The following THSD4 variants were observed in gnomAD, a reference collection of about 807,000 sequenced individuals.
The protein encoded by THSD4 is thrombospondin type 1 domain containing 4.
In THSD4, 69 loss-of-function variants were observed where a neutral mutation model predicts 119.0. The observed-to-expected ratio is 0.58, with a 90% CI of 0.48 to 0.71. The LOEUF is 0.71. Among genes scored for constraint, THSD4 ranks in the 30% least tolerant of loss-of-function variants. The pLI is 0.00. For synonymous variants in THSD4, 524 were observed against 540.4 expected, an observed-to-expected ratio of 0.97 and a Z score of 0.42; for missense variants, 1,393 against 1,391.1, an observed-to-expected ratio of 1.00 and a Z score of -0.02.
In THSD4 at chr15:71,510,705, A is replaced by C. The variant is rs543042621; in HGVS notation, c.1152+98882A>C. ...CCAGCCTCATGTTCTGTTACGGACCACGGTCTCTCTACAGACCTTAACTCA... is the reference window on the plus strand; with the variant it reads ...CCAGCCTCATGTTCTGTTACGGACCCCGGTCTCTCTACAGACCTTAACTCA... On this transcript the variant is annotated intron_variant, in intron 7 of 17. Transcript: ENST00000261862. Among the ~76,000 whole-genome samples, 3 of 152,350 alleles carry C rather than the reference A, an allele frequency of 2.0e-5. No homozygotes were observed. In the South Asian group the frequency reaches 6.2e-4, roughly 32 times the overall value.
chr15:71,466,205 A>G (rs1174628208), intron 7 of THSD4, among the ~76,000 whole-genome samples: 6 of 151,896 alleles, frequency 4.0e-5, no homozygotes. Context: ...AAAAAAAATT[A>G]GCTGGGCGTG....
intron 7 of THSD4, among the ~76,000 whole-genome samples, chr15:71,509,587 T>G (rs1205110187): frequency 3.3e-5 from 5 of 152,238 alleles, no homozygotes; most frequent in African/African-American, 1.2e-4. Context: ...AACTTAATTT[T>G]ACACAGCTAG....
rs111644580 is a variant in THSD4 at position 71,325,389 on chromosome 15, C to T, written c.1015+68674C>T. Among the ~76,000 whole-genome samples, 1,458 of 152,300 alleles carry T rather than the reference C, an allele frequency of 9.6e-3. 9 individuals carry two copies. Among genetic ancestry groups the T allele is most frequent in the Middle Eastern group, 0.017 (5 of 294 alleles). On this transcript the variant is annotated intron_variant, in intron 6 of 17. Transcript: ENST00000261862. ...GAGTACTTACCCAGTGCCAACCAGT[C>T]CTGAAGCTGACACTGGTGATAGAGA...
At chr15:71,621,356 T>A (rs912931558) in intron 7 of THSD4, among the ~76,000 whole-genome samples, 1 of 152,234 alleles carries the variant, frequency 6.6e-6, no homozygotes. Context: ...CATGAGTTGC[T>A]AGGACAGTTG....
At chr15:71,233,357 A>G (rs1277191538) in intron 4 of THSD4, among the ~76,000 whole-genome samples, 1 of 152,194 alleles carries the variant, frequency 6.6e-6, no homozygotes, top group East Asian at 1.9e-4. Flanking sequence ...GCTTCAACTG[A>G]GCCTCACTGG....
rs188037607 is a variant in THSD4, at chr15:71,163,355, A to G, written c.99+8423A>G. Among the ~76,000 whole-genome samples the G allele has an allele frequency of 1.4e-3, 215 of 152,144 alleles. 5 individuals are homozygous for G. The East Asian group carries it at 0.038, about 27-fold the overall frequency. On this transcript the variant is annotated intron_variant, in intron 3 of 17. Coordinates refer to ENST00000261862, the MANE Select transcript of THSD4 (RefSeq NM_024817.3). ...ATTACATAAACAAATGCAAATGGAA[A>G]GAATCCAAGTCAAAATTATATAACA...
intron 8 of THSD4, among the ~76,000 whole-genome samples, chr15:71,716,790 T>G (rs970797275): frequency 1.3e-5 from 2 of 152,138 alleles, no homozygotes; most frequent in Non-Finnish European, 2.9e-5. Flanking sequence ...CATCCCCCCT[T>G]GCAGTATATA....
At chr15:71,220,050 G>A (rs2043963106) in intron 4 of THSD4, among the ~76,000 whole-genome samples, 2 of 151,984 alleles carry the variant, frequency 1.3e-5, no homozygotes, top group South Asian at 4.1e-4. Flanking sequence ...TTTAACCAGG[G>A]TAATCTTCTT....
intron 1 of THSD4, among the ~76,000 whole-genome samples, chr15:71,098,798 A>G (rs1311571191): frequency 6.6e-6 from 1 of 152,218 alleles, no homozygotes; most frequent in Non-Finnish European, 1.5e-5. Context: ...AAGTTAAGTT[A>G]CAATGCAATT....
chr15:71,532,263 T>TGAGAGAGAGAGAGAGAGAGAGA lies in THSD4; in HGVS notation c.1152+120461_1152+120462insAGAGAGAGAGAGAGAGAGAGAG, dbSNP rs112859786. On this transcript the variant is annotated intron_variant, in intron 7 of 17. Coordinates refer to ENST00000261862, the MANE Select transcript of THSD4 (RefSeq NM_024817.3). The stretch of plus-strand genomic sequence containing the variant: ...TAGCACTGACTGAAACAACAAAGGG[T>TGAGAGAGAGAGAGAGAGAGAGA]GAGAGAGAGAGAGAGAGAGAGTGTG... Among the ~76,000 whole-genome samples the TGAGAGAGAGAGAGAGAGAGAGA allele has an allele frequency of 4.7e-3, 339 of 71,608 alleles. 16 individuals carry two copies. Among genetic ancestry groups the TGAGAGAGAGAGAGAGAGAGAGA allele is most frequent in the East Asian group, 0.036 (86 of 2,378 alleles). 47.0% of individuals were successfully genotyped at this position (71,608 alleles called of 152,430 possible).
At chr15:71,772,940 G>A (rs2053847259) in intron 17 of THSD4, among the ~76,000 whole-genome samples, 1 of 152,110 alleles carries the variant, frequency 6.6e-6, no homozygotes, top group Non-Finnish European at 1.5e-5. Flanking sequence ...TGGATGCAAT[G>A]GCTCACACCT....
intron 8 of THSD4, among the ~76,000 whole-genome samples, chr15:71,708,718 AGTTTG>A (rs1349860522): frequency 6.6e-6 from 1 of 152,126 alleles, no homozygotes; most frequent in Non-Finnish European, 1.5e-5. Context: ...TGTTTTGTTT[AGTTTG>A]GTTTGGTTTG....
chr15:71,640,119 G>A lies in THSD4; in HGVS notation c.1153-20411G>A, dbSNP rs570147454. ...TTCTTTTATTGGACAGTCTCACTCT[G>A]TCACCTAGGCTGGAGTGGAGTGGCA... On this transcript the variant is annotated intron_variant, in intron 7 of 17. Transcript: ENST00000261862. Among the ~76,000 whole-genome samples the A allele has an allele frequency of 5.3e-4, 80 of 152,188 alleles. 2 individuals carry two copies. In the South Asian group the frequency reaches 0.016, roughly 30 times the overall value.
intron 6 of THSD4, among the ~76,000 whole-genome samples, chr15:71,266,434 C>T (rs1398407562): frequency 6.6e-6 from 1 of 152,016 alleles, no homozygotes; most frequent in Non-Finnish European, 1.5e-5. Flanking sequence ...AAAGGACGTC[C>T]ACGCAAAAAC....
intron 8 of THSD4, among the ~76,000 whole-genome samples, chr15:71,727,545 AAAAAAAAAATAT>A (rs1287619688): frequency 5.1e-5 from 5 of 97,722 alleles, no homozygotes; most frequent in African/African-American, 2.5e-4. Flanking sequence ...AAAAAAAAAA[AAAAAAAAAATAT>A]ATATATATAT....
intron 1 of THSD4, among the ~76,000 whole-genome samples, chr15:71,137,518 TA>T (rs145608005): frequency 0.016 from 2,436 of 152,290 alleles, 70 homozygotes; most frequent in African/African-American, 0.054. Context: ...TGAATGCAGG[TA>T]TTTTTTTCTC....
intron 6 of THSD4, among the ~76,000 whole-genome samples, chr15:71,275,765 T>G (rs1222538191): frequency 3.3e-5 from 5 of 152,264 alleles, no homozygotes; most frequent in African/African-American, 4.8e-5. Context: ...GATAGTGAGT[T>G]AGTTCTCACG....
intron 17 of THSD4, among the ~76,000 whole-genome samples, chr15:71,773,200 CA>C (rs5813665): frequency 9.6e-4 from 52 of 54,060 alleles, no homozygotes; most frequent in South Asian, 1.9e-3. Flanking sequence ...GACCATGTCT[CA>C]AAAAAAAAAA....
At chr15:71,469,092 T>C (rs2047538058) in intron 7 of THSD4, among the ~76,000 whole-genome samples, 1 of 152,258 alleles carries the variant, frequency 6.6e-6, no homozygotes, top group Non-Finnish European at 1.5e-5. Flanking sequence ...TCCCTTTTCT[T>C]GCCTTGCTTA....
Sources: gnomAD v4.1 joint callset for allele counts (sites outside exome capture counted in the v4.1 genomes callset) on GRCh38, gnomAD v4.1.1 for gene constraint, MANE v1.5 for transcripts, NCBI Gene and HGNC (gene_info 2026-07-23, HGNC 2026-07-21) for gene names.